The following LARGE1 variants were observed in gnomAD, a reference collection of about 807,000 sequenced individuals.
LARGE1 encodes the protein LARGE xylosyl- and glucuronyltransferase 1, also known as xylosyl- and glucuronyltransferase LARGE1.
A neutral mutation model predicts 87.6 loss-of-function variants in LARGE1; 43 were observed. That is an observed-to-expected ratio of 0.49 (90% confidence interval 0.38 to 0.63). LARGE1 has a LOEUF of 0.63. Ranked by LOEUF, LARGE1 falls within the 30% of genes least tolerant of loss-of-function variation. LARGE1 has a pLI of 0.00. For synonymous variants in LARGE1, 434 were observed against 394.6 expected (o/e 1.10, Z -1.18); for missense variants, 802 against 1,000.2 (o/e 0.80, Z 2.67).
chr22:33,113,381 A>G, the LARGE1 span, among the ~76,000 whole-genome samples: 65 of 151,930 alleles, frequency 4.3e-4, no homozygotes, highest in East Asian at 8.7e-3. Flanking sequence ...CTAATTTTGT[A>G]TTTTTAGTAG....
At chr22:33,423,632 A>G (rs938840184) in intron 7 of LARGE1, among the ~76,000 whole-genome samples, 3 of 147,970 alleles carry the variant, frequency 2.0e-5, no homozygotes, top group Non-Finnish European at 4.4e-5. Context: ...GTGAGCAGAG[A>G]TTGCACCACT....
At chr22:33,191,894 C>T (rs137418) in intron 11 of LARGE1, among the ~76,000 whole-genome samples, 90,767 of 151,924 alleles carry the variant, frequency 0.6, 27,707 homozygotes, top group African/African-American at 0.69. Flanking sequence ...AGATTTTCCC[C>T]ACTAGTGTAT....
At chr22:33,805,615 T>A (rs1383052310) in intron 1 of LARGE1, among the ~76,000 whole-genome samples, 3 of 151,950 alleles carry the variant, frequency 2.0e-5, no homozygotes, top group Non-Finnish European at 4.4e-5. Flanking sequence ...GTGTCTGTAA[T>A]CCCAGCTACT....
chr22:33,564,503 C>T (rs577901808), intron 6 of LARGE1, among the ~76,000 whole-genome samples: 1 of 152,362 alleles, frequency 6.6e-6, no homozygotes, highest in African/African-American at 2.4e-5. Flanking sequence ...ACCTCACAGG[C>T]TTTCTTGGCA....
chr22:33,555,685 TTGGGTG>T (rs1226032400), intron 6 of LARGE1, among the ~76,000 whole-genome samples: 1 of 152,040 alleles, frequency 6.6e-6, no homozygotes, highest in Non-Finnish European at 1.5e-5. Context: ...TCCTAGCACT[TTGGGTG>T]GCCGAGACAG....
Position 33,324,647 on chromosome 22 carries a change from C to T in LARGE1, c.1288-8399G>A, listed in dbSNP as rs1031061362. ...CTTTAAGGACAGTGGCCTAGACTGA[C>T]TTTTTGAGCTGCTGGAAATGATGGC... is the stretch of plus-strand genomic sequence containing the variant. On this transcript the variant is annotated intron_variant, in intron 10 of 14. Coordinates refer to ENST00000397394, the MANE Select transcript of LARGE1 (RefSeq NM_133642.5). Among the ~76,000 whole-genome samples, 11 of 152,308 alleles carry T rather than the reference C, an allele frequency of 7.2e-5. No homozygotes were observed. In the East Asian group the frequency reaches 2.1e-3, roughly 29 times the overall value.
intron 6 of LARGE1, among the ~76,000 whole-genome samples, chr22:33,516,179 TGAAGGAGC>T (rs1347571002): frequency 2.0e-5 from 3 of 151,834 alleles, no homozygotes; most frequent in African/African-American, 7.3e-5. Context: ...CTGCAGGAAA[TGAAGGAGC>T]GAGGGCTAGG....
At chr22:33,394,198 CTTTT>C (rs531894455) in intron 7 of LARGE1, among the ~76,000 whole-genome samples, 4 of 126,794 alleles carry the variant, frequency 3.2e-5, no homozygotes, top group Non-Finnish European at 4.9e-5. Flanking sequence ...ACCTCTGATT[CTTTT>C]TTTTTTTTTT....
At chr22:33,465,719 G>A (rs559539872) in intron 6 of LARGE1, among the ~76,000 whole-genome samples, 23 of 152,280 alleles carry the variant, frequency 1.5e-4, no homozygotes, top group African/African-American at 5.5e-4. Flanking sequence ...TCCAGCCCTG[G>A]CACAGACAAA....
chr22:33,315,593 G>A (rs1936065403), intron 11 of LARGE1, among the ~76,000 whole-genome samples: 1 of 151,992 alleles, frequency 6.6e-6, no homozygotes, highest in African/African-American at 2.4e-5. Context: ...TGGGGAGGTG[G>A]TAGGGATGTG....
intron 2 of LARGE1, among the ~76,000 whole-genome samples, chr22:33,655,998 C>T (rs1185280034): frequency 1.3e-5 from 2 of 151,952 alleles, no homozygotes; most frequent in Non-Finnish European, 2.9e-5. Context: ...AGGCAAAATA[C>T]TTAACTTTTC....
At chr22:33,906,952 G>T (rs552005845) in intron 1 of LARGE1, among the ~76,000 whole-genome samples, 1 of 151,970 alleles carries the variant, frequency 6.6e-6, no homozygotes, top group Admixed American at 6.6e-5. Context: ...AATTTAATGA[G>T]CTCAAAAATG....
chr22:33,398,710 A>G (rs1457641259), intron 7 of LARGE1, among the ~76,000 whole-genome samples: 1 of 152,202 alleles, frequency 6.6e-6, no homozygotes, highest in South Asian at 2.1e-4. Flanking sequence ...TCAAGTCAAC[A>G]TGAGGTCATA....
chr22:33,590,928 C>A (rs1346180761), intron 5 of LARGE1, among the ~76,000 whole-genome samples: 1 of 152,150 alleles, frequency 6.6e-6, no homozygotes, highest in African/African-American at 2.4e-5. Flanking sequence ...CAAGGCCGGG[C>A]GTGGTGGCTC....
At chr22:33,563,449 C>G (rs2077921926) in intron 6 of LARGE1, among the ~76,000 whole-genome samples, 1 of 152,198 alleles carries the variant, frequency 6.6e-6, no homozygotes, top group Non-Finnish European at 1.5e-5. Flanking sequence ...AAATGCATCA[C>G]TGAACACTCA....
At chr22:33,587,969 T>C (rs1420014289) in intron 5 of LARGE1, among the ~76,000 whole-genome samples, 1 of 152,228 alleles carries the variant, frequency 6.6e-6, no homozygotes. Context: ...GGTTGGAAAT[T>C]CTTTCTTGAG....
At chr22:33,338,230 C>T (rs910481281) in intron 9 of LARGE1, among the ~76,000 whole-genome samples, 1 of 152,110 alleles carries the variant, frequency 6.6e-6, no homozygotes, top group Non-Finnish European at 1.5e-5. Flanking sequence ...GGGAGAAAGG[C>T]GCTTGCTCCT....
intron 11 of LARGE1, among the ~76,000 whole-genome samples, chr22:33,210,463 C>T (rs982629380): frequency 4.6e-5 from 7 of 152,246 alleles, no homozygotes; most frequent in East Asian, 1.9e-4. Flanking sequence ...CTGCAACTGA[C>T]GATGCTCTAG....
Position 33,387,473 on chromosome 22 carries a change from T to C in LARGE1, c.893-3169A>G, listed in dbSNP as rs991070235. Among the ~76,000 whole-genome samples the C allele has an allele frequency of 7.9e-5, 11 of 138,700 alleles. No individual in the cohort carries two copies. The East Asian group carries it at 2.4e-3, about 30-fold the overall frequency. 91.0% of individuals were successfully genotyped at this position (138,700 alleles called of 152,430 possible). Reference sequence around the variant, plus strand: ...AAAGAAAGAATTTCATTAATCTTATTACAAAAATGAATTATAATTAGGTTG... The same window carrying C: ...AAAGAAAGAATTTCATTAATCTTATCACAAAAATGAATTATAATTAGGTTG... On this transcript the variant is annotated intron_variant, in intron 7 of 14. Coordinates refer to ENST00000397394, the MANE Select transcript of LARGE1 (RefSeq NM_133642.5).
Sources: allele counts gnomAD v4.1 joint callset (sites outside exome capture counted in the v4.1 genomes callset), GRCh38; gene constraint gnomAD v4.1.1; transcripts MANE v1.5; gene names NCBI Gene and HGNC (gene_info 2026-07-23, HGNC 2026-07-21).